SYNPR: variants seen among roughly 807,000 people sequenced by gnomAD.
SYNPR encodes the protein synaptoporin.
In SYNPR, 23 loss-of-function variants were observed where a neutral mutation model predicts 32.9. The observed-to-expected ratio is 0.70, with a 90% CI of 0.50 to 0.99. SYNPR has a LOEUF of 0.99. Ranked by LOEUF, SYNPR falls within the 50% of genes least tolerant of loss-of-function variation. SYNPR has a pLI of 0.00. For missense variants in SYNPR, 318 were observed against 349.3 expected (o/e 0.91, Z 0.71); for synonymous variants, 146 against 135.9 (o/e 1.07, Z -0.52).
intron 2 of SYNPR, among the ~76,000 whole-genome samples, chr3:63,398,178 C>G (rs1425688189): frequency 6.6e-6 from 1 of 152,138 alleles, no homozygotes; most frequent in African/African-American, 2.4e-5. Context: ...AAGTCAACTC[C>G]TAAATTAAGA....
chr3:63,516,067 AT>A (rs1701793802), intron 3 of SYNPR, among the ~76,000 whole-genome samples: 1 of 152,052 alleles, frequency 6.6e-6, no homozygotes, highest in Non-Finnish European at 1.5e-5. Flanking sequence ...AAAAAATTAT[AT>A]TTTCAAGGCA....
chr3:63,306,759 A>C (rs1165160626), intron 2 of SYNPR, among the ~76,000 whole-genome samples: 1 of 152,104 alleles, frequency 6.6e-6, no homozygotes. Context: ...AAGGTTTTGC[A>C]CTTGGGAGGC....
chr3:63,415,324 T>G (rs903533880), intron 2 of SYNPR, among the ~76,000 whole-genome samples: 6 of 152,170 alleles, frequency 3.9e-5, no homozygotes, highest in Non-Finnish European at 8.8e-5. Flanking sequence ...AAATTAAAAT[T>G]TGCTTTATTG....
rs1393968776 is a variant in SYNPR, at chr3:63,378,225, G to T, written c.84+99483G>T. On this transcript the variant is annotated intron_variant, in intron 2 of 5. Coordinates refer to ENST00000478300, the MANE Select transcript of SYNPR (RefSeq NM_001130003.2). Reference sequence around the variant, plus strand: ...ATTAAATAACATTCAATTATACAGTGGGAAAGGTATTTCCTTCACATTTTC... The same window carrying T: ...ATTAAATAACATTCAATTATACAGTTGGAAAGGTATTTCCTTCACATTTTC... Among the ~76,000 whole-genome samples the T allele has an allele frequency of 5.3e-5, 8 of 151,730 alleles. No individual in the cohort carries two copies. The East Asian group carries it at 9.7e-4, about 18-fold the overall frequency.
intron 3 of SYNPR, among the ~76,000 whole-genome samples, chr3:63,272,040 T>G (rs1262210073): frequency 2.0e-5 from 3 of 152,156 alleles, no homozygotes; most frequent in Non-Finnish European, 2.9e-5. Flanking sequence ...AATAAATGAC[T>G]TCTTAAAAGT....
chr3:63,430,572 A>C (rs1298373152), intron 2 of SYNPR, among the ~76,000 whole-genome samples: 1 of 152,226 alleles, frequency 6.6e-6, no homozygotes, highest in Non-Finnish European at 1.5e-5. Context: ...GTGGTTGGTA[A>C]TATCCAATTA....
intron 2 of SYNPR, among the ~76,000 whole-genome samples, chr3:63,460,884 C>G (rs1196296633): frequency 6.6e-6 from 1 of 152,064 alleles, no homozygotes; most frequent in East Asian, 1.9e-4. Context: ...AAGACCACCA[C>G]TCTGGGCAAA....
intron 2 of SYNPR, among the ~76,000 whole-genome samples, chr3:63,439,568 T>C (rs920185091): frequency 2.0e-5 from 3 of 152,118 alleles, no homozygotes; most frequent in African/African-American, 7.2e-5. Context: ...TCAGCTACTG[T>C]ATGTGGGCCT....
Position 63,414,742 on chromosome 3 carries a change from A to G in SYNPR, c.85-66090A>G, listed in dbSNP as rs545757978. On this transcript the variant is annotated intron_variant, in intron 2 of 5. Transcript: ENST00000478300. ...AGTCTCATTACCAACTGTCTATATA[A>G]ACTGAAGCTTTCCAGCCTATATAGA... Among the ~76,000 whole-genome samples, 3 of 152,296 alleles carry G rather than the reference A, an allele frequency of 2.0e-5. No homozygotes were observed. The South Asian group carries it at 6.2e-4, about 32-fold the overall frequency.
chr3:63,610,168 G>A (rs762121971), intron 5 of SYNPR, among the ~76,000 whole-genome samples: 19 of 152,080 alleles, frequency 1.2e-4, no homozygotes, highest in African/African-American at 2.7e-4. Flanking sequence ...TTATAACTTC[G>A]GAAAAGCTGC....
chr3:63,547,824 T>G (rs1702435778), intron 3 of SYNPR, among the ~76,000 whole-genome samples: 1 of 152,204 alleles, frequency 6.6e-6, no homozygotes, highest in Admixed American at 6.5e-5. Context: ...AAAGTCTCCT[T>G]GCTCCTAAAA....
intron 3 of SYNPR, among the ~76,000 whole-genome samples, chr3:63,517,765 G>A (rs112291540): frequency 1.3e-3 from 202 of 152,274 alleles, no homozygotes; most frequent in Non-Finnish European, 2.2e-3. Flanking sequence ...TTATCTGAAT[G>A]AGGTCAGAAG....
chr3:63,522,826 GAGA>G (rs1205629193), intron 3 of SYNPR, among the ~76,000 whole-genome samples: 1 of 152,188 alleles, frequency 6.6e-6, no homozygotes, highest in Non-Finnish European at 1.5e-5. Context: ...AGCGGAGGCA[GAGA>G]AGATCATGCA....
intron 5 of SYNPR, chr3:63,610,331 T>C: frequency 2.2e-6 from 1 of 446,258 alleles, no homozygotes; most frequent in East Asian, 3.1e-5. Flanking sequence ...AAGCTGTATC[T>C]GAGAAATACA....
intron 2 of SYNPR, among the ~76,000 whole-genome samples, chr3:63,365,021 A>C (rs1385345736): frequency 1.3e-5 from 2 of 152,214 alleles, no homozygotes; most frequent in African/African-American, 4.8e-5. Flanking sequence ...TGGAGAGTCT[A>C]AAAACAACCT....
intron 2 of SYNPR, among the ~76,000 whole-genome samples, chr3:63,367,147 T>G (rs914177998): frequency 6.6e-6 from 1 of 152,088 alleles, no homozygotes; most frequent in Non-Finnish European, 1.5e-5. Flanking sequence ...CCCAGCAAAT[T>G]TGAGATTGTT....
intron 2 of SYNPR, among the ~76,000 whole-genome samples, chr3:63,356,309 C>A (rs2087576784): frequency 6.6e-6 from 1 of 152,214 alleles, no homozygotes; most frequent in Non-Finnish European, 1.5e-5. Context: ...AATGTGTTAA[C>A]CACCACAGTC....
intron 2 of SYNPR, among the ~76,000 whole-genome samples, chr3:63,322,423 G>A (rs1221507879): frequency 1.3e-5 from 2 of 152,166 alleles, no homozygotes; most frequent in South Asian, 4.1e-4. Flanking sequence ...AGGCACAAAG[G>A]TGAATGGCTC....
chr3:63,578,065 G>C (rs1390435), intron 4 of SYNPR, among the ~76,000 whole-genome samples: 63,145 of 151,954 alleles, frequency 0.42, 13,749 homozygotes, highest in African/African-American at 0.54. Context: ...TCATTTAAAA[G>C]TCACAGAACT....
Sources: allele counts gnomAD v4.1 joint callset (sites outside exome capture counted in the v4.1 genomes callset), GRCh38; gene constraint gnomAD v4.1.1; transcripts MANE v1.5; gene names NCBI Gene and HGNC (gene_info 2026-07-23, HGNC 2026-07-21).